The following TEX9 variants were observed in gnomAD, a reference collection of about 807,000 sequenced individuals.
TEX9 encodes the protein testis-expressed protein 9.
Under a neutral mutation model 59.6 loss-of-function variants are expected in TEX9, and 74 were observed. The ratio of observed to expected loss-of-function variants is 1.24; its 90% CI spans 1.03 to 1.51. The LOEUF is 1.51. Among genes scored for constraint, TEX9 ranks in the 40% most tolerant of loss-of-function variants. TEX9 has a pLI of 0.00. For missense variants in TEX9, 522 were observed against 447.8 expected (o/e 1.17, Z -1.49); for synonymous variants, 186 against 152.2 (o/e 1.22, Z -1.64).
At chr15:56,399,453 C>T (rs899205035) in intron 9 of TEX9, among the ~76,000 whole-genome samples, 6 of 152,214 alleles carry the variant, frequency 3.9e-5, no homozygotes, top group South Asian at 2.1e-4. Flanking sequence ...ACAAAGCGGC[C>T]GGGAAGCTTG....
chr15:56,456,369 A>G, the TEX9 span: 9 of 1,586,398 alleles, frequency 5.7e-6, no homozygotes, highest in South Asian at 2.4e-5. Context: ...GACTAAATAA[A>G]TGAAATTTAG....
chr15:56,422,037 G>A (rs1259247), intron 10 of TEX9, among the ~76,000 whole-genome samples: 1,612 of 142,484 alleles, frequency 0.011, 43 homozygotes, highest in African/African-American at 0.041. Context: ...CTGAGGAATC[G>A]CCACACTGAC....
At chr15:56,453,205 C>T in the TEX9 span, among the ~76,000 whole-genome samples, 1 of 152,040 alleles carries the variant, frequency 6.6e-6, no homozygotes, top group African/African-American at 2.4e-5. Flanking sequence ...TATTTTAATT[C>T]CCAAAAGACA....
intron 1 of TEX9, among the ~76,000 whole-genome samples, chr15:56,330,814 A>G (rs2046124251): frequency 6.6e-6 from 1 of 152,092 alleles, no homozygotes; most frequent in Non-Finnish European, 1.5e-5. Context: ...TTTTAATAAT[A>G]AGATTGAATG....
intron 9 of TEX9, among the ~76,000 whole-genome samples, chr15:56,405,105 A>G (rs1434256719): frequency 1.3e-5 from 2 of 152,128 alleles, no homozygotes; most frequent in East Asian, 1.9e-4. Context: ...CGTTGTGCAC[A>G]TGTACCCTAG....
intron 1 of TEX9, among the ~76,000 whole-genome samples, chr15:56,271,955 C>T (rs537538697): frequency 3.9e-5 from 6 of 152,068 alleles, no homozygotes; most frequent in Admixed American, 6.5e-5. Flanking sequence ...CCCAGCTACA[C>T]GGTGAAACCC....
At chr15:56,376,336 T>C (rs772300476) in intron 3 of TEX9, among the ~76,000 whole-genome samples, 1 of 152,184 alleles carries the variant, frequency 6.6e-6, no homozygotes, top group African/African-American at 2.4e-5. Context: ...CCAAACTGTT[T>C]CCTTTGTAGT....
chr15:56,276,176 TTTTAC>T (rs2044663522), intron 1 of TEX9, among the ~76,000 whole-genome samples: 1 of 152,196 alleles, frequency 6.6e-6, no homozygotes, highest in Non-Finnish European at 1.5e-5. Flanking sequence ...TTTTATTTTA[TTTTAC>T]TTTAAGTTCT....
rs751048198 is a variant in TEX9, at chr15:56,394,837, AATT to A, written c.828+7_828+9del. The A allele has an allele frequency of 1.2e-5, 19 of 1,602,762 alleles. No individual in the cohort carries two copies. The highest frequency in any genetic ancestry group is 1.6e-5 in the Non-Finnish European group (19 of 1,176,822). ...AACAGTTGTCTTCAGTAGAAAGGGT[AATT>A]ATTTGGTATTTTTCCTAACTTAATG... On this transcript the variant is annotated splice_donor_5th_base_variant and intron_variant, in intron 9 of 12. Coordinates refer to ENST00000352903, the Ensembl canonical transcript of TEX9.
In TEX9 at chr15:56,300,708, G is replaced by GGA. The variant is rs60361737; in HGVS notation, c.-107+56467_-107+56468dup. On this transcript the variant is annotated intron_variant, in intron 1 of 5. Transcript: ENST00000560827. ...AGCAGAGAGAGAGAGAGAGAGAGAG[G>GGA]GAGAGAGAGAGAGAGAGAGAGAGAG... Among the ~76,000 whole-genome samples the GGA allele has an allele frequency of 9.0e-3, 922 of 102,650 alleles. 20 individuals carry two copies. The highest frequency in any genetic ancestry group is 0.024 in the African/African-American group (606 of 25,324). 67.3% of individuals were successfully genotyped at this position (102,650 alleles called of 152,430 possible). A position where few individuals can be genotyped will look rare whatever the true frequency, so the allele number is the denominator to read the frequency against.
chr15:56,315,824 A>G (rs1346755832), intron 1 of TEX9, among the ~76,000 whole-genome samples: 1 of 148,418 alleles, frequency 6.7e-6, no homozygotes, highest in Non-Finnish European at 1.5e-5. Context: ...ACATAGTCCC[A>G]TATTTCTTGG....
intron 1 of TEX9, among the ~76,000 whole-genome samples, chr15:56,267,987 T>A (rs1256935542): frequency 6.6e-6 from 1 of 151,946 alleles, no homozygotes; most frequent in East Asian, 1.9e-4. Context: ...ATTTGTTTCC[T>A]CTTTTATTTC....
intron 1 of TEX9, among the ~76,000 whole-genome samples, chr15:56,345,877 A>G (rs1429610744): frequency 1.3e-5 from 2 of 152,210 alleles, no homozygotes; most frequent in South Asian, 2.1e-4. Flanking sequence ...ATGTTGTTGT[A>G]GGAGCCAATG....
chr15:56,252,558 A>G (rs565811612), intron 1 of TEX9, among the ~76,000 whole-genome samples: 2 of 152,200 alleles, frequency 1.3e-5, no homozygotes, highest in East Asian at 1.9e-4. Flanking sequence ...CAAGCAGCCA[A>G]CTGTGTCTGT....
chr15:56,357,530 A>T (rs2046706660), intron 1 of TEX9, among the ~76,000 whole-genome samples: 1 of 152,010 alleles, frequency 6.6e-6, no homozygotes, highest in South Asian at 2.1e-4. Context: ...TTGCTTCTCA[A>T]TTTTTCAAAT....
At chr15:56,282,887 A>C (rs1476749052) in intron 1 of TEX9, among the ~76,000 whole-genome samples, 1 of 152,124 alleles carries the variant, frequency 6.6e-6, no homozygotes, top group Non-Finnish European at 1.5e-5. Context: ...TTGGAACTGC[A>C]CTAGTTATTT....
At chr15:56,317,173 C>T (rs2045795040) in intron 1 of TEX9, among the ~76,000 whole-genome samples, 2 of 152,312 alleles carry the variant, frequency 1.3e-5, no homozygotes, top group South Asian at 2.1e-4. Flanking sequence ...CTTGGCTCCT[C>T]CCCCCTTGTG....
chr15:56,385,144 A>G (rs542882502), intron 4 of TEX9, among the ~76,000 whole-genome samples: 1 of 152,314 alleles, frequency 6.6e-6, no homozygotes, highest in East Asian at 1.9e-4. Context: ...CACTTTTGTC[A>G]AAAATCAGTT....
intron 1 of TEX9, among the ~76,000 whole-genome samples, chr15:56,265,082 AC>A (rs1411679585): frequency 1.3e-5 from 2 of 150,880 alleles, no homozygotes; most frequent in Non-Finnish European, 3.0e-5. Flanking sequence ...TAGCTCTTTC[AC>A]TTTTCCTTAA....
Sources: gnomAD v4.1 joint callset for allele counts (sites outside exome capture counted in the v4.1 genomes callset) on GRCh38, gnomAD v4.1.1 for gene constraint, MANE v1.5 for transcripts, NCBI Gene and HGNC (gene_info 2026-07-23, HGNC 2026-07-21) for gene names.